The following COMMD1 variants were observed in gnomAD, a reference collection of about 807,000 sequenced individuals.
COMMD1 encodes the protein copper metabolism domain containing 1, also known as COMM domain-containing protein 1.
A neutral mutation model predicts 17.2 loss-of-function variants in COMMD1; 10 were observed. That is an observed-to-expected ratio of 0.58 (90% CI 0.36 to 0.99). The LOEUF is 0.99. COMMD1 is among the 50% of genes least tolerant of loss of function. COMMD1 has a pLI of 0.01. For synonymous variants in COMMD1, 97 were observed against 91.6 expected, an observed-to-expected ratio of 1.06 and a Z score of -0.34; for missense variants, 270 against 231.8, an observed-to-expected ratio of 1.17 and a Z score of -1.07.
chr2:61,925,900 C>T (rs1052380804), intron 1 of COMMD1, among the ~76,000 whole-genome samples: 1 of 151,976 alleles, frequency 6.6e-6, no homozygotes, highest in African/African-American at 2.4e-5. Flanking sequence ...CAATATATTA[C>T]AAGAGTCCTG....
At chr2:61,965,568 G>A (rs1287663643) in intron 1 of COMMD1, among the ~76,000 whole-genome samples, 2 of 152,208 alleles carry the variant, frequency 1.3e-5, no homozygotes, top group Non-Finnish European at 2.9e-5. Flanking sequence ...CGGTGATCAC[G>A]ACCAACTCTT....
chr2:61,898,979 C>A (rs1165692159), intron 1 of COMMD1, among the ~76,000 whole-genome samples: 2 of 152,190 alleles, frequency 1.3e-5, no homozygotes, highest in African/African-American at 4.8e-5. Context: ...CAAGTTTCAA[C>A]AGTTACATTG....
Position 61,975,250 on chromosome 2 carries a change from T to A in COMMD1, c.181-25451T>A, listed in dbSNP as rs192631566. Among the ~76,000 whole-genome samples the A allele has an allele frequency of 7.9e-5, 12 of 152,172 alleles. No individual in the cohort carries two copies. The East Asian group carries it at 2.1e-3, about 27-fold the overall frequency. The stretch of plus-strand genomic sequence containing the variant: ...TGTCTAGATATACTCCGGTTTTATT[T>A]ATCTGTTCACCTACTGAAGGACATT... On this transcript the variant is annotated intron_variant, in intron 1 of 2. Coordinates refer to ENST00000311832, the MANE Select transcript of COMMD1 (RefSeq NM_152516.4).
At chr2:62,062,446 G>A (rs939554515) in intron 2 of COMMD1, among the ~76,000 whole-genome samples, 5 of 151,632 alleles carry the variant, frequency 3.3e-5, no homozygotes, top group East Asian at 3.9e-4. Flanking sequence ...CAGGCTGGTC[G>A]CCAACTCCTT....
intron 2 of COMMD1, among the ~76,000 whole-genome samples, chr2:62,111,035 A>T (rs1672441899): frequency 6.6e-6 from 1 of 152,198 alleles, no homozygotes; most frequent in Non-Finnish European, 1.5e-5. Context: ...AAGTTTGTGT[A>T]TTCCCTATTG....
chr2:61,924,288 A>G (rs1670269399), intron 1 of COMMD1, among the ~76,000 whole-genome samples: 1 of 151,674 alleles, frequency 6.6e-6, no homozygotes, highest in Non-Finnish European at 1.5e-5. Context: ...TGGACAGGAG[A>G]AAAATAGGAG....
rs1479508536 is a variant in COMMD1 at position 62,000,995 on chromosome 2, TAA to T, written c.462+14_462+15del. The T allele has an allele frequency of 6.2e-6, 10 of 1,609,270 alleles. No homozygotes were observed. The highest frequency in any genetic ancestry group is 1.3e-5 in the African/African-American group (1 of 74,936). The stretch of plus-strand genomic sequence containing the variant: ...CAAATATGGACAGGTGAGTTAAACT[TAA>T]GTCAATTTTCCTTTGTAAACTGTAT... On this transcript the variant is annotated intron_variant, in intron 2 of 2. Coordinates refer to ENST00000311832, the MANE Select transcript of COMMD1 (RefSeq NM_152516.4).
At chr2:61,951,750 T>G (rs1671060866) in intron 1 of COMMD1, among the ~76,000 whole-genome samples, 1 of 152,188 alleles carries the variant, frequency 6.6e-6, no homozygotes, top group Non-Finnish European at 1.5e-5. Context: ...TATCTATCAC[T>G]CCCAAAAATT....
intron 2 of COMMD1, among the ~76,000 whole-genome samples, chr2:62,071,167 G>T (rs1389794485): frequency 6.6e-6 from 1 of 152,192 alleles, no homozygotes; most frequent in Non-Finnish European, 1.5e-5. Context: ...CCGGGAAAGG[G>T]GTGGGCAATT....
intron 2 of COMMD1, among the ~76,000 whole-genome samples, chr2:62,014,370 T>G (rs1669371495): frequency 1.3e-5 from 2 of 151,988 alleles, no homozygotes; most frequent in Admixed American, 1.3e-4. Context: ...TTGAACTGCC[T>G]GTGTTTGTCT....
At chr2:61,979,293 A>C (rs1394597667) in intron 1 of COMMD1, among the ~76,000 whole-genome samples, 1 of 152,110 alleles carries the variant, frequency 6.6e-6, no homozygotes, top group East Asian at 1.9e-4. Flanking sequence ...CCTGTCCAAC[A>C]TGGTGAAACC....
At chr2:62,099,708 C>T (rs761309695) in intron 2 of COMMD1, among the ~76,000 whole-genome samples, 2 of 151,560 alleles carry the variant, frequency 1.3e-5, no homozygotes, top group Non-Finnish European at 2.9e-5. Context: ...GTCTCAGTTT[C>T]TCTCTTCAGA....
At chr2:61,917,329 C>G (rs1472933992) in intron 1 of COMMD1, among the ~76,000 whole-genome samples, 3 of 150,660 alleles carry the variant, frequency 2.0e-5, no homozygotes, top group South Asian at 4.2e-4. Context: ...TGTACTCCAG[C>G]CTGGGAGACA....
rs577170429 is a variant in COMMD1 at position 62,135,717 on chromosome 2, A to G, written c.463-114A>G. Reference sequence around the variant, plus strand: ...CTGGGTAAAATATCACTTCGATATTAAGGTCTGAGCTGGGCTTGCTGGATT... The same window carrying G: ...CTGGGTAAAATATCACTTCGATATTGAGGTCTGAGCTGGGCTTGCTGGATT... On this transcript the variant is annotated intron_variant, in intron 2 of 2. Coordinates refer to ENST00000311832, the MANE Select transcript of COMMD1 (RefSeq NM_152516.4). 503 of 723,974 alleles carry G rather than the reference A, an allele frequency of 6.9e-4. 6 individuals are homozygous for G. Among genetic ancestry groups the G allele is most frequent in the Middle Eastern group, 5.0e-3 (16 of 3,174 alleles). 44.8% of individuals were successfully genotyped at this position (723,974 alleles called of 1,614,324 possible).
intron 1 of COMMD1, among the ~76,000 whole-genome samples, chr2:61,898,658 A>G (rs1051898219): frequency 1.3e-5 from 2 of 152,132 alleles, no homozygotes; most frequent in African/African-American, 4.8e-5. Context: ...CAGAGGTGGA[A>G]AACCTCATTA....
At chr2:61,900,338 G>T (rs1572942322) in intron 1 of COMMD1, among the ~76,000 whole-genome samples, 1 of 152,228 alleles carries the variant, frequency 6.6e-6, no homozygotes, top group Non-Finnish European at 1.5e-5. Context: ...TTTGCAATTG[G>T]TTAAAGTCAT....
chr2:62,096,180 G>A (rs1210506442), intron 2 of COMMD1, among the ~76,000 whole-genome samples: 1 of 152,094 alleles, frequency 6.6e-6, no homozygotes, highest in Non-Finnish European at 1.5e-5. Context: ...ACATTAGGTA[G>A]GAATGCTGCA....
At chr2:62,090,749 A>C (rs1452501545) in intron 2 of COMMD1, 1 of 152,192 alleles carries the variant, frequency 6.6e-6, no homozygotes, top group African/African-American at 2.4e-5. Flanking sequence ...GAGAAGAATC[A>C]GGGTTCCAGG....
chr2:62,122,067 T>C (rs561606140), intron 2 of COMMD1, among the ~76,000 whole-genome samples: 4 of 152,288 alleles, frequency 2.6e-5, no homozygotes, highest in South Asian at 2.1e-4. Context: ...CTAGGAAATA[T>C]AGGCGTGAGC....
Sources: allele counts gnomAD v4.1 joint callset (sites outside exome capture counted in the v4.1 genomes callset), GRCh38; gene constraint gnomAD v4.1.1; transcripts MANE v1.5; gene names NCBI Gene and HGNC (gene_info 2026-07-23, HGNC 2026-07-21).